Variants in ZBTB5 observed in about 807,000 individuals in gnomAD.
ZBTB5 encodes zinc finger and BTB domain containing 5, also known as zinc finger and BTB domain-containing protein 5.
In ZBTB5, 15 loss-of-function variants were observed where a neutral mutation model predicts 37.9. The ratio of observed to expected loss-of-function variants is 0.40; its 90% CI spans 0.26 to 0.61. ZBTB5 has a LOEUF of 0.61. ZBTB5 is among the 20% of genes least tolerant of loss of function. ZBTB5 has a pLI of 0.47. For missense variants in ZBTB5, 708 were observed against 856.8 expected (o/e 0.83, Z 2.17); for synonymous variants, 315 against 312.4 (o/e 1.01, Z -0.09).
chr9:37,461,314 T>G (rs1433842059), intron 1 of ZBTB5, among the ~76,000 whole-genome samples: 1 of 152,230 alleles, frequency 6.6e-6, no homozygotes, highest in Admixed American at 6.5e-5. Flanking sequence ...AGGAAGATGG[T>G]TGAGTGGATT....
chr9:37,442,786 C>G (rs1264181966), intron 1 of ZBTB5, among the ~76,000 whole-genome samples: 1 of 152,180 alleles, frequency 6.6e-6, no homozygotes, highest in Non-Finnish European at 1.5e-5. Context: ...CCGACAGGCT[C>G]CCCTTTACTC....
Position 37,440,910 on chromosome 9 carries a change from C to G in ZBTB5, c.1642G>C (p.Val548Leu), listed in dbSNP as rs781475867. ...IAPKMPVVTS[V>L]RSSQIPENST... ...TTTTCTGGGATCTGTGAGCTCCTGA[C>G]GGAAGTTACAACTGGCATTTTGGGA... Residue 548 changes from valine (V) to leucine (L), a missense_variant, in exon 2 of 2, where the codon GTC (valine) becomes CTC (leucine). Val to Leu is a conservative substitution (Grantham distance 32). Coordinates refer to ENST00000307750, the MANE Select transcript of ZBTB5 (RefSeq NM_014872.3). 3 of 1,614,004 alleles carry G rather than the reference C, an allele frequency of 1.9e-6. No individual in the cohort carries two copies. The highest frequency in any genetic ancestry group is 1.3e-5 in the African/African-American group (1 of 74,890).
rs547798381 is a variant in ZBTB5 at position 37,441,232 on chromosome 9, C to T, written c.1320G>A (p.Leu440=). The change falls in exon 2 of 2, where the codon CTG becomes CTA. Residue 440 remains leucine (L), a synonymous_variant. Coordinates refer to ENST00000307750, the MANE Select transcript of ZBTB5 (RefSeq NM_014872.3). ...TCAACAAATAGGGGGCCTCACTCTC[C>T]AGCCTGCAGTCACTAGTGGTGTTTG... The part of the protein sequence containing the change: ...NIPNTTSDCR[L]ESEAPYLLSP... 2.5e-5 allele frequency: 41 copies of T among 1,614,212 alleles called. No individual in the cohort carries two copies. Among genetic ancestry groups the T allele is most frequent in the South Asian group, 3.3e-5 (3 of 91,080 alleles).
Position 37,440,727 on chromosome 9 carries a change from C to A in ZBTB5, c.1825G>T (p.Gly609Ter). 6.2e-7 allele frequency: 1 copy of A among 1,614,254 alleles called. No homozygotes were observed. The highest frequency in any genetic ancestry group is 8.5e-7 in the Non-Finnish European group (1 of 1,180,046). The change falls in exon 2 of 2, where the codon GGA becomes TGA. Residue 609 changes from glycine (G) to a stop codon, truncating the protein, a stop_gained. Transcript: ENST00000307750. LOFTEE classifies it high-confidence loss of function. Reference protein sequence around the residue: ...LSEHNVLVVEGARKYACKICC... With the variant: ...LSEHNVLVVE ...ATTTTGCAGGCATACTTGCGAGCTC[C>A]CTCTACAACCAAAACATTGTGCTCT...
chr9:37,443,788 C>T (rs954172302), intron 1 of ZBTB5, among the ~76,000 whole-genome samples: 4 of 152,062 alleles, frequency 2.6e-5, no homozygotes, highest in African/African-American at 7.2e-5. Flanking sequence ...AAAAATTAGC[C>T]GGGCATGCTG....
In ZBTB5 at chr9:37,441,154, T is replaced by C. The variant is rs1396585866; in HGVS notation, c.1398A>G (p.Val466=). ...CTGCAGGTTCACTAAATGGGTTCTCTACATGGGAGCCAGGGGCAGAGGAGG... is the reference window on the plus strand; with the variant it reads ...CTGCAGGTTCACTAAATGGGTTCTCCACATGGGAGCCAGGGGCAGAGGAGG... ...GGPSSAPGSH[V]ENPFSEPADS... The change falls in exon 2 of 2, where the codon GTA becomes GTG. Residue 466 remains valine (V), a synonymous_variant. Transcript: ENST00000307750. The C allele has an allele frequency of 6.2e-6, 10 of 1,613,802 alleles. No individual in the cohort carries two copies. The highest frequency in any genetic ancestry group is 8.5e-6 in the Non-Finnish European group (10 of 1,179,918).
At chr9:37,460,742 C>T (rs529100883) in intron 1 of ZBTB5, among the ~76,000 whole-genome samples, 1 of 152,162 alleles carries the variant, frequency 6.6e-6, no homozygotes, top group South Asian at 2.1e-4. Flanking sequence ...TGGTGCATGC[C>T]TGTAGTCCCA....
rs140676796 is a variant in ZBTB5 at position 37,439,329 on chromosome 9, A to AACTCT, written c.*1184_*1188dup. 6.5e-3 allele frequency: 995 copies of AACTCT among 152,348 alleles called. 10 individuals are homozygous for AACTCT. Among genetic ancestry groups the AACTCT allele is most frequent in the African/African-American group, 0.023 (952 of 41,568 alleles). The allele number at this position is 152,348 out of a possible 1,614,324, so 9.4% of individuals were successfully genotyped here. Reference sequence around the variant, plus strand: ...GATTACTTCTATGCTATGGGCTGCTAACTCTTACATAGCCTAGAAAATATT... The same window carrying AACTCT: ...GATTACTTCTATGCTATGGGCTGCTAACTCTACTCTTACATAGCCTAGAAAATATT... On this transcript the variant is annotated 3_prime_UTR_variant, in exon 2 of 2. Transcript: ENST00000307750.
rs141449207 is a variant in ZBTB5, at chr9:37,456,952, C to T, written c.-5+8263G>A. ...AAAGACTATGGATGAAAGATTTTCT[C>T]ATAGGAAAGTCCCTTAAGCCCTCAC... On this transcript the variant is annotated intron_variant, in intron 1 of 1. Transcript: ENST00000307750. Among the ~76,000 whole-genome samples the T allele has an allele frequency of 6.4e-3, 980 of 152,316 alleles. 12 individuals are homozygous for T. The highest frequency in any genetic ancestry group is 0.022 in the African/African-American group (923 of 41,572).
intron 1 of ZBTB5, among the ~76,000 whole-genome samples, chr9:37,449,354 A>G (rs538098318): frequency 6.6e-6 from 1 of 152,332 alleles, no homozygotes; most frequent in African/African-American, 2.4e-5. Flanking sequence ...TTGTGGTATC[A>G]CACATTGCAC....
At chr9:37,443,936 A>T (rs1375747974) in intron 1 of ZBTB5, among the ~76,000 whole-genome samples, 1 of 151,482 alleles carries the variant, frequency 6.6e-6, no homozygotes, top group Non-Finnish European at 1.5e-5. Flanking sequence ...AAAAAAAATT[A>T]GCCGAGCATG....
Position 37,441,521 on chromosome 9 carries a change from C to T in ZBTB5, c.1031G>A (p.Ser344Asn). 1.9e-6 allele frequency: 3 copies of T among 1,613,084 alleles called. No individual in the cohort carries two copies. The highest frequency in any genetic ancestry group is 2.5e-6 in the Non-Finnish European group (3 of 1,179,888). ...GCCTTCTGCTTGTGAGGTCACATCG[C>T]TCACTTCATCCTGAGGCTCAGGTGA... ...LSSPEPQDEVSDVTSQAEGSE... is the reference protein window; with the variant it reads ...LSSPEPQDEVNDVTSQAEGSE... Residue 344 changes from serine to asparagine, a missense_variant, in exon 2 of 2, where the codon AGC (serine) becomes AAC (asparagine). By Grantham distance (46) the Ser-to-Asn change is conservative. Transcript: ENST00000307750.
At chr9:37,462,993 TC>T (rs888740180) in intron 1 of ZBTB5, among the ~76,000 whole-genome samples, 89 of 152,136 alleles carry the variant, frequency 5.9e-4, no homozygotes, top group African/African-American at 2.0e-3. Context: ...TGAGAGCTGT[TC>T]CATCACTCAA....
chr9:37,453,021 C>T (rs1772859808), intron 1 of ZBTB5, among the ~76,000 whole-genome samples: 1 of 152,164 alleles, frequency 6.6e-6, no homozygotes, highest in African/African-American at 2.4e-5. Flanking sequence ...TAACATGTAA[C>T]CATATGGATA....
At chr9:37,464,955 G>A (rs1293399395) in intron 1 of ZBTB5, among the ~76,000 whole-genome samples, 3 of 152,202 alleles carry the variant, frequency 2.0e-5, no homozygotes, top group Non-Finnish European at 4.4e-5. Flanking sequence ...TCGCCAGCCG[G>A]GGATCCACAG....
At chr9:37,459,238 C>T (rs1824244212) in intron 1 of ZBTB5, among the ~76,000 whole-genome samples, 1 of 152,178 alleles carries the variant, frequency 6.6e-6, no homozygotes, top group Admixed American at 6.5e-5. Flanking sequence ...GCAGGTGGAT[C>T]ACCTGAGGTC....
rs1234299505 is a variant in ZBTB5 at position 37,439,976 on chromosome 9, A to C, written c.*542T>G. 6.4e-6 allele frequency: 1 copy of C among 157,158 alleles called. No homozygotes were observed. The highest frequency in any genetic ancestry group is 1.4e-5 in the Non-Finnish European group (1 of 70,812). 9.7% of individuals were successfully genotyped at this position (157,158 alleles called of 1,614,324 possible). On this transcript the variant is annotated 3_prime_UTR_variant, in exon 2 of 2. Transcript: ENST00000307750. ...AGTGCAGTGTTTATGACTGCAAATCAGGTAAAAATAAAAAATACAGTACTT... is the reference window on the plus strand; with the variant it reads ...AGTGCAGTGTTTATGACTGCAAATCCGGTAAAAATAAAAAATACAGTACTT...
At chr9:37,454,680 G>A (rs557317102) in intron 1 of ZBTB5, among the ~76,000 whole-genome samples, 15 of 152,104 alleles carry the variant, frequency 9.9e-5, no homozygotes, top group African/African-American at 3.4e-4. Context: ...TTCTGTCTTC[G>A]GAGAACAAGC....
chr9:37,444,216 G>C (rs1823935457), intron 1 of ZBTB5, among the ~76,000 whole-genome samples: 1 of 152,174 alleles, frequency 6.6e-6, no homozygotes, highest in Admixed American at 6.5e-5. Context: ...TTTTGTTTTT[G>C]AGACAGAGTT....
Sources: gnomAD v4.1 joint callset for allele counts (sites outside exome capture counted in the v4.1 genomes callset) on GRCh38, gnomAD v4.1.1 for gene constraint, MANE v1.5 for transcripts, NCBI Gene and HGNC (gene_info 2026-07-23, HGNC 2026-07-21) for gene names.